PCYT1B: variants seen among roughly 807,000 people sequenced by gnomAD.
The protein encoded by PCYT1B is phosphate cytidylyltransferase 1B, choline.
A neutral mutation model predicts 26.4 loss-of-function variants in PCYT1B; 10 were observed. That is an observed-to-expected ratio of 0.38 (90% CI 0.23 to 0.64). The LOEUF is 0.64. Among genes scored for constraint, PCYT1B ranks in the 30% least tolerant of loss-of-function variants. PCYT1B has a pLI of 0.56. For missense variants in PCYT1B, 161 were observed against 292.7 expected, an observed-to-expected ratio of 0.55 and a Z score of 3.28; for synonymous variants, 131 against 108.4, an observed-to-expected ratio of 1.21 and a Z score of -1.29.
intron 3 of PCYT1B, among the ~76,000 whole-genome samples, chrX:24,603,019 G>T (rs1925017387): frequency 9.0e-6 from 1 of 111,588 alleles, no homozygotes; most frequent in Non-Finnish European, 1.9e-5. Flanking sequence ...GGCCAGGCTG[G>T]TTTAGAACTC....
chrX:24,617,366 TG>T (rs1268657891), intron 2 of PCYT1B, among the ~76,000 whole-genome samples: 27 of 55,863 alleles, frequency 4.8e-4, no homozygotes, highest in African/African-American at 2.3e-3. Flanking sequence ...AAGTTTGGTT[TG>T]TTTGTTTTTT....
chrX:24,594,230 T>TG (rs1924706708), intron 3 of PCYT1B, among the ~76,000 whole-genome samples: 1 of 110,488 alleles, frequency 9.1e-6, no homozygotes. Context: ...TGCCCAGAGG[T>TG]GGGGGGGAAG....
At chrX:24,665,942 C>T (rs1335049943) in intron 1 of PCYT1B, among the ~76,000 whole-genome samples, 2 of 110,791 alleles carry the variant, frequency 1.8e-5, no homozygotes, top group Non-Finnish European at 3.8e-5. Flanking sequence ...TGTGGTATCT[C>T]TAGGTGGGTC....
intron 6 of PCYT1B, among the ~76,000 whole-genome samples, chrX:24,579,059 A>G (rs573122601): frequency 1.8e-5 from 2 of 109,991 alleles, no homozygotes; most frequent in African/African-American, 6.6e-5. Context: ...AGGCTGAGGC[A>G]GGAGGATCGC....
rs1924507142 is a variant in PCYT1B, at chrX:24,590,069, C to T, written c.440G>A (p.Arg147Lys). The T allele has an allele frequency of 4.1e-6, 5 of 1,208,519 alleles. No individual in the cohort carries two copies. Among genetic ancestry groups the T allele is most frequent in the Non-Finnish European group, 5.6e-6 (5 of 892,919 alleles). Residue 147 changes from arginine (R) to lysine (K), a missense_variant, in exon 4 of 8, where the codon AGA becomes AAA. Physicochemically the swap from Arg to Lys is conservative, Grantham distance 26. Coordinates refer to ENST00000379144, the MANE Select transcript of PCYT1B (RefSeq NM_004845.5). ...TGGCGTGAGTGTCCAGGGAGCATCT[C>T]TGATAACTTCGTCTACGTAGCGACA... is the stretch of plus-strand genomic sequence containing the variant. ...RHCRYVDEVI[R>K]DAPWTLTPEF...
intron 7 of PCYT1B, among the ~76,000 whole-genome samples, chrX:24,573,217 G>A (rs979717515): frequency 3.7e-5 from 4 of 109,587 alleles, no homozygotes; most frequent in African/African-American, 1.3e-4. Flanking sequence ...AGGCTGGAGT[G>A]TGGTGGCATG....
intron 1 of PCYT1B, among the ~76,000 whole-genome samples, chrX:24,626,840 T>C (rs1263181130): frequency 8.9e-6 from 1 of 111,796 alleles, no homozygotes; most frequent in African/African-American, 3.3e-5. Context: ...CCAGGCACTG[T>C]TCTAGCTTCT....
chrX:24,606,053 CAAAAAAAAA>C (rs35072094), intron 3 of PCYT1B, among the ~76,000 whole-genome samples: 9 of 52,489 alleles, frequency 1.7e-4, no homozygotes, highest in Admixed American at 7.7e-4. Flanking sequence ...GACTCCATCT[CAAAAAAAAA>C]AAAAAAAAAA....
intron 3 of PCYT1B, among the ~76,000 whole-genome samples, chrX:24,595,150 G>A (rs953517979): frequency 9.2e-6 from 1 of 109,106 alleles, no homozygotes; most frequent in African/African-American, 3.3e-5. Flanking sequence ...GGGCCCCGTG[G>A]TACAGACTCC....
intron 1 of PCYT1B, among the ~76,000 whole-genome samples, chrX:24,622,978 C>T (rs1442279936): frequency 8.9e-6 from 1 of 111,899 alleles, no homozygotes; most frequent in Non-Finnish European, 1.9e-5. Flanking sequence ...TATTTGCAAG[C>T]CTCAGGTTAG....
intron 3 of PCYT1B, among the ~76,000 whole-genome samples, chrX:24,594,099 A>G (rs1924701548): frequency 9.0e-6 from 1 of 111,270 alleles, no homozygotes; most frequent in Non-Finnish European, 1.9e-5. Context: ...AGTGGGGCCC[A>G]GATAGCTCTG....
At chrX:24,637,491 A>AAAAAAAAAAAATATATATATATATATAT in intron 1 of PCYT1B, among the ~76,000 whole-genome samples, 1 of 52,894 alleles carries the variant, frequency 1.9e-5, no homozygotes, top group African/African-American at 1.5e-4. Flanking sequence ...AAAAAAAAAA[A>AAAAAAAAAAAATATATATATATATATAT]ATATATATAT....
At chrX:24,591,604 G>A (rs1924568971) in intron 3 of PCYT1B, among the ~76,000 whole-genome samples, 1 of 109,968 alleles carries the variant, frequency 9.1e-6, no homozygotes, top group South Asian at 4.0e-4. Flanking sequence ...TTGTATTTTA[G>A]TAGAGATGGG....
chrX:24,655,866 G>A (rs1164858583), intron 1 of PCYT1B, among the ~76,000 whole-genome samples: 7 of 107,135 alleles, frequency 6.5e-5, no homozygotes, highest in African/African-American at 2.4e-4. Context: ...GACCTATAAA[G>A]GCCATTAGGG....
intron 1 of PCYT1B, among the ~76,000 whole-genome samples, chrX:24,620,313 G>A (rs1411852067): frequency 1.8e-5 from 2 of 111,682 alleles, no homozygotes; most frequent in Admixed American, 1.9e-4. Context: ...CTGCACTGAC[G>A]AGAACCGATC....
chrX:24,591,729 T>C, intron 3 of PCYT1B, among the ~76,000 whole-genome samples: 1 of 112,056 alleles, frequency 8.9e-6, no homozygotes, highest in African/African-American at 3.2e-5. Flanking sequence ...AGCCAACAAA[T>C]TCACTAATGT....
intron 2 of PCYT1B, among the ~76,000 whole-genome samples, chrX:24,608,908 T>G (rs1036337048): frequency 4.5e-5 from 5 of 112,058 alleles, no homozygotes; most frequent in African/African-American, 1.6e-4. Flanking sequence ...AGATGCCTCC[T>G]ACATTTATAT....
exon 1 of PCYT1B, chrX:24,672,677 T>C: frequency 1.9e-6 from 2 of 1,034,776 alleles, no homozygotes; most frequent in African/African-American, 1.9e-5. Flanking sequence ...CTCTACCCTT[T>C]GGAGTTCTTT....
At chrX:24,613,950 C>CAAAAAA (rs200062439) in intron 2 of PCYT1B, among the ~76,000 whole-genome samples, 30 of 77,199 alleles carry the variant, frequency 3.9e-4, no homozygotes, top group East Asian at 7.8e-4. Context: ...AACAACCTGT[C>CAAAAAA]AAAAAAAAAA....
Sources: allele counts gnomAD v4.1 joint callset (sites outside exome capture counted in the v4.1 genomes callset), GRCh38; gene constraint gnomAD v4.1.1; transcripts MANE v1.5; gene names NCBI Gene and HGNC (gene_info 2026-07-23, HGNC 2026-07-21).